The following ZNF532 variants were observed in gnomAD, a reference collection of about 807,000 sequenced individuals.
ZNF532 encodes the protein zinc finger protein 532.
ZNF532 carries 22 observed loss-of-function variants against 89.3 expected under a neutral mutation model. The observed-to-expected ratio is 0.25, with a 90% confidence interval of 0.18 to 0.35. ZNF532 has a LOEUF of 0.35. Among genes scored for constraint, ZNF532 ranks in the 10% least tolerant of loss-of-function variants. The pLI is 1.00. For missense variants in ZNF532, 1,132 were observed against 1,643.4 expected (o/e 0.69, Z 5.38); for synonymous variants, 606 against 649.6 (o/e 0.93, Z 1.02).
At chr18:58,924,895 G>C (rs11874206) in intron 3 of ZNF532, among the ~76,000 whole-genome samples, 9,665 of 152,188 alleles carry the variant, frequency 0.064, 512 homozygotes, top group African/African-American at 0.14. Flanking sequence ...TAACTCCTTA[G>C]GATTGGCTTT....
At chr18:58,888,204 A>G (rs1319113848) in intron 2 of ZNF532, among the ~76,000 whole-genome samples, 2 of 152,220 alleles carry the variant, frequency 1.3e-5, no homozygotes, top group African/African-American at 2.4e-5. Context: ...TAGTTCATTA[A>G]TAAAGGAAAA....
At chr18:58,922,362 A>G (rs2061175115) in intron 3 of ZNF532, among the ~76,000 whole-genome samples, 1 of 152,218 alleles carries the variant, frequency 6.6e-6, no homozygotes, top group African/African-American at 2.4e-5. Flanking sequence ...GGAACAAAAG[A>G]TCAAGAATAC....
Position 58,948,513 on chromosome 18 carries a change from G to GT in ZNF532, c.2868+292dup, listed in dbSNP as rs971836321. On this transcript the variant is annotated intron_variant, in intron 6 of 9. Coordinates refer to ENST00000591808, the MANE Select transcript of ZNF532 (RefSeq NM_001375912.1). ...AAAAGTACTAAGTTTTTTGTTTTTT[G>GT]TTTTTTTTAATATGTGAAAATGATG... 1.7e-4 allele frequency among the ~76,000 whole-genome samples: 25 copies of GT among 143,504 alleles called. No individual in the cohort carries two copies. In the South Asian group the frequency reaches 1.8e-3, roughly 10 times the overall value. The allele number at this position is 143,504 out of a possible 152,430, so 94.1% of individuals were successfully genotyped here.
intron 2 of ZNF532, among the ~76,000 whole-genome samples, chr18:58,878,829 T>G (rs1399317343): frequency 6.6e-6 from 1 of 152,226 alleles, no homozygotes; most frequent in Non-Finnish European, 1.5e-5. Context: ...AACTCAAGCG[T>G]CATCTTGCAC....
chr18:58,921,698 T>C (rs914786310), intron 3 of ZNF532, among the ~76,000 whole-genome samples: 1 of 152,256 alleles, frequency 6.6e-6, no homozygotes, highest in Non-Finnish European at 1.5e-5. Context: ...AACTTTTAGC[T>C]AATAGATAAA....
chr18:58,874,673 A>AT, intron 2 of ZNF532, among the ~76,000 whole-genome samples: 1 of 151,950 alleles, frequency 6.6e-6, no homozygotes, highest in Non-Finnish European at 1.5e-5. Flanking sequence ...GTACTTGAAC[A>AT]TTTTTTTGCT....
At chr18:58,946,704 T>C (rs1245128886) in intron 5 of ZNF532, among the ~76,000 whole-genome samples, 3 of 152,202 alleles carry the variant, frequency 2.0e-5, no homozygotes, top group Non-Finnish European at 4.4e-5. Context: ...ATGATTAGTA[T>C]ACAACATTGT....
At chr18:58,898,968 G>A (rs1460660061) in intron 2 of ZNF532, among the ~76,000 whole-genome samples, 1 of 152,268 alleles carries the variant, frequency 6.6e-6, no homozygotes, top group African/African-American at 2.4e-5. Flanking sequence ...CATAGTCTCT[G>A]GCTTTCAGCG....
At chr18:58,955,012 C>A (rs192505336) in intron 7 of ZNF532, among the ~76,000 whole-genome samples, 78 of 152,310 alleles carry the variant, frequency 5.1e-4, no homozygotes, top group Admixed American at 8.5e-4. Context: ...CTGTGCCCAG[C>A]TGGAATTTGA....
At chr18:58,956,661 C>T (rs991212557) in intron 7 of ZNF532, among the ~76,000 whole-genome samples, 1 of 152,192 alleles carries the variant, frequency 6.6e-6, no homozygotes, top group African/African-American at 2.4e-5. Flanking sequence ...TTCCCATTTA[C>T]CCTGGGCTTG....
At chr18:58,953,926 G>T (rs2064483958) in intron 7 of ZNF532, 127 bp downstream of exon 7, 1 of 1,445,464 alleles carries the variant, frequency 6.9e-7, no homozygotes. Flanking sequence ...AAATCACTTG[G>T]TGTCTCTCTG....
intron 2 of ZNF532, among the ~76,000 whole-genome samples, chr18:58,876,375 C>T (rs1179893745): frequency 1.3e-5 from 2 of 152,238 alleles, no homozygotes; most frequent in African/African-American, 4.8e-5. Flanking sequence ...AGGCTCTCTG[C>T]TCCTCCCTTG....
intron 7 of ZNF532, among the ~76,000 whole-genome samples, chr18:58,956,308 T>C (rs1420056589): frequency 3.3e-5 from 5 of 152,140 alleles, no homozygotes; most frequent in Admixed American, 2.0e-4. Context: ...TTTGAAGGAG[T>C]TGAGGCCCTG....
intron 2 of ZNF532, among the ~76,000 whole-genome samples, chr18:58,877,172 C>T (rs1010610248): frequency 1.5e-4 from 23 of 152,144 alleles, no homozygotes; most frequent in Non-Finnish European, 3.4e-4. Flanking sequence ...TGCCCCCTTG[C>T]CTGATGAGGA....
At chr18:58,916,350 A>T (rs1420706078) in intron 2 of ZNF532, among the ~76,000 whole-genome samples, 22 of 152,052 alleles carry the variant, frequency 1.4e-4, no homozygotes, top group Non-Finnish European at 5.9e-5. Context: ...TAAAAAACAA[A>T]ACCATAATCA....
chr18:58,924,640 C>T (rs1180922636), intron 3 of ZNF532, among the ~76,000 whole-genome samples: 1 of 152,078 alleles, frequency 6.6e-6, no homozygotes, highest in Non-Finnish European at 1.5e-5. Context: ...ACTTGTATAC[C>T]CTTCATCCAG....
At chr18:58,962,546 A>T (rs979459048) in intron 7 of ZNF532, among the ~76,000 whole-genome samples, 13 of 151,790 alleles carry the variant, frequency 8.6e-5, no homozygotes, top group African/African-American at 3.1e-4. Flanking sequence ...GGCCCAGCAC[A>T]CTTGGTGCTC....
At chr18:58,946,156 T>C (rs1222150008) in intron 5 of ZNF532, among the ~76,000 whole-genome samples, 1 of 152,236 alleles carries the variant, frequency 6.6e-6, no homozygotes, top group Non-Finnish European at 1.5e-5. Flanking sequence ...ATGCCTTCTC[T>C]TTCTTTTCTA....
Position 58,953,533 on chromosome 18 carries a change from T to C in ZNF532, c.2884T>C (p.Leu962=), listed in dbSNP as rs1240218542. 2.5e-6 allele frequency: 4 copies of C among 1,610,764 alleles called. No homozygotes were observed. Among genetic ancestry groups the C allele is most frequent in the Admixed American group, 1.7e-5 (1 of 59,270 alleles). ...TATAATGTAGTCTATGCATGGAACATTGAAAAGTATTGAAGGGCCTCCAAA... is the reference window on the plus strand; with the variant it reads ...TATAATGTAGTCTATGCATGGAACACTGAAAAGTATTGAAGGGCCTCCAAA... ...MDHIKSMHGT[L]KSIEGPPNLG... Residue 962 remains leucine (L), a synonymous_variant, in exon 7 of 10, where the codon TTG becomes CTG. Coordinates refer to ENST00000591808, the MANE Select transcript of ZNF532 (RefSeq NM_001375912.1).
Sources: gnomAD v4.1 joint callset for allele counts (sites outside exome capture counted in the v4.1 genomes callset) on GRCh38, gnomAD v4.1.1 for gene constraint, MANE v1.5 for transcripts, NCBI Gene and HGNC (gene_info 2026-07-23, HGNC 2026-07-21) for gene names.